DSC3: variants seen among roughly 807,000 people sequenced by gnomAD.
The protein encoded by DSC3 is desmocollin-3.
DSC3 carries 97 observed loss-of-function variants against 89.5 expected under a neutral mutation model. The ratio of observed to expected loss-of-function variants is 1.08; its 90% CI spans 0.92 to 1.28. The LOEUF is 1.28. DSC3 is among the 50% of genes most tolerant of loss of function. The probability of loss-of-function intolerance (pLI) is 0.00; values close to 1 mark genes in which losing one functional copy is unlikely to be tolerated. For synonymous variants in DSC3, 436 were observed against 384.1 expected, an observed-to-expected ratio of 1.14 and a Z score of -1.58; for missense variants, 1,199 against 1,085.3, an observed-to-expected ratio of 1.10 and a Z score of -1.47.
At chr18:31,022,806 T>C (rs897040897) in intron 6 of DSC3, among the ~76,000 whole-genome samples, 2 of 152,194 alleles carry the variant, frequency 1.3e-5, no homozygotes, top group Non-Finnish European at 2.9e-5. Context: ...TATGTGCACA[T>C]ATTTCAATAA....
chr18:30,989,594 G>C lies in DSC3; in HGVS notation c.*4581C>G, dbSNP rs1238099875. On this transcript the variant is annotated 3_prime_UTR_variant, in exon 16 of 16. Coordinates refer to ENST00000360428, the MANE Select transcript of DSC3 (RefSeq NM_001941.5). ...TTATACACTTTAAAATGGTGAAAATGATGAATTTTAACCATTCATAGCCAT... is the reference window on the plus strand; with the variant it reads ...TTATACACTTTAAAATGGTGAAAATCATGAATTTTAACCATTCATAGCCAT... 2.0e-5 allele frequency among the ~76,000 whole-genome samples: 3 copies of C among 152,128 alleles called. No individual in the cohort carries two copies. The highest frequency in any genetic ancestry group is 6.5e-5 in the Admixed American group (1 of 15,278).
chr18:31,024,587 A>G, intron 5 of DSC3, 94 bp from the exon 6 acceptor site: 2 of 1,379,620 alleles, frequency 1.4e-6, no homozygotes, highest in Non-Finnish European at 2.0e-6. Flanking sequence ...AAATCTTTTC[A>G]ATAATAAACT....
intron 1 of DSC3, among the ~76,000 whole-genome samples, chr18:31,033,886 C>T (rs747093014): frequency 8.5e-5 from 13 of 152,170 alleles, no homozygotes; most frequent in African/African-American, 1.4e-4. Context: ...TGCAGTGGCA[C>T]GATCTAGGCT....
chr18:31,035,971 A>T (rs941309638), intron 1 of DSC3, among the ~76,000 whole-genome samples: 1 of 152,018 alleles, frequency 6.6e-6, no homozygotes, highest in Non-Finnish European at 1.5e-5. Flanking sequence ...ATCCAACAGT[A>T]TGTTTGAGAT....
intron 2 of DSC3, among the ~76,000 whole-genome samples, chr18:31,031,653 T>C (rs1022869857): frequency 6.6e-6 from 1 of 152,194 alleles, no homozygotes; most frequent in Admixed American, 6.5e-5. Flanking sequence ...TCCGAAATTT[T>C]CTTCCCACTG....
Position 31,031,111 on chromosome 18 carries a change from T to C in DSC3, c.216A>G (p.Arg72=). The C allele has an allele frequency of 6.2e-7, 1 of 1,613,622 alleles. No individual in the cohort carries two copies. The highest frequency in any genetic ancestry group is 8.5e-7 in the Non-Finnish European group (1 of 1,179,846). Residue 72 remains arginine (R), a synonymous_variant, in exon 3 of 16, where the codon AGA becomes AGG. Transcript: ENST00000360428. ...DLIRSSDPDF[R]VLNDGSVYTA... is the part of the protein sequence containing the mutation. ...TGTACACTGACCCATCATTTAGAAC[T>C]CTGAAATCAGGATCACTTGACCGGA...
chr18:31,039,074 A>G (rs552156490), intron 1 of DSC3, among the ~76,000 whole-genome samples: 8 of 152,080 alleles, frequency 5.3e-5, no homozygotes, highest in African/African-American at 1.9e-4. Context: ...TATAATAAAA[A>G]TAACTTCTGT....
chr18:31,018,538 T>G (rs1195948626), intron 8 of DSC3, 128 bp downstream of exon 8: 1 of 1,112,376 alleles, frequency 9.0e-7, no homozygotes. Flanking sequence ...GTTTAAACTT[T>G]AATTTTATTC....
At chr18:31,022,314 T>C in intron 7 of DSC3, 22 bp downstream of exon 7, 3 of 1,613,854 alleles carry the variant, frequency 1.9e-6, no homozygotes, top group Non-Finnish European at 2.5e-6. Flanking sequence ...CGAAATGAAA[T>C]TCTATGGAGT....
In DSC3 at chr18:30,992,513, G is replaced by A. The variant is rs1984302198; in HGVS notation, c.*1662C>T. ...CTCAAATGGCAGTTGCCATTGGCCT[G>A]AGAAAGGAAAAGGCAGTGCCAAGCC... On this transcript the variant is annotated 3_prime_UTR_variant, in exon 16 of 16. Coordinates refer to ENST00000360428, the MANE Select transcript of DSC3 (RefSeq NM_001941.5). 1 of 152,236 alleles carries A rather than the reference G, an allele frequency of 6.6e-6. No homozygotes were observed. The highest frequency in any genetic ancestry group is 6.5e-5 in the Admixed American group (1 of 15,280). 9.4% of individuals were successfully genotyped at this position (152,236 alleles called of 1,614,324 possible).
chr18:31,008,154 T>G lies in DSC3; in HGVS notation c.1525A>C (p.Lys509Gln). Residue 509 changes from lysine (K) to glutamine (Q), a missense_variant, in exon 11 of 16, where the codon AAA (lysine) becomes CAA (glutamine). Physicochemically the swap from Lys to Gln is moderately conservative, Grantham distance 53. Coordinates refer to ENST00000360428, the MANE Select transcript of DSC3 (RefSeq NM_001941.5). Reference sequence around the variant, plus strand: ...CAACCTTTAGGATCATGCAATTTTTTGTACCTGTTAATAAAAAAAAAATAG... The same window carrying G: ...CAACCTTTAGGATCATGCAATTTTTGGTACCTGTTAATAAAAAAAAAATAG... ...ENRNGNGLRY[K>Q]KLHDPKGWIT... The G allele has an allele frequency of 6.2e-7, 1 of 1,610,494 alleles. No individual in the cohort carries two copies. Among genetic ancestry groups the G allele is most frequent in the South Asian group, 1.1e-5 (1 of 90,796 alleles).
At chr18:31,028,706 T>C (rs1442803183) in intron 4 of DSC3, among the ~76,000 whole-genome samples, 2 of 152,156 alleles carry the variant, frequency 1.3e-5, no homozygotes, top group Non-Finnish European at 2.9e-5. Flanking sequence ...GCCATAGCCC[T>C]ACTTCAGTAA....
At chr18:31,031,304 T>C (rs1985784678) in intron 2 of DSC3, 132 bp from the exon 3 acceptor site, 13 of 625,048 alleles carry the variant, frequency 2.1e-5, no homozygotes, top group Non-Finnish European at 3.5e-5. Flanking sequence ...ATTTACCAGA[T>C]ATCTTAACCT....
intron 7 of DSC3, 108 bp from the exon 8 acceptor site, chr18:31,018,908 T>A: frequency 2.2e-6 from 2 of 894,446 alleles, no homozygotes; most frequent in Non-Finnish European, 3.4e-6. Context: ...ATCTGTGTGT[T>A]TCCGTGCTTT....
intron 9 of DSC3, among the ~76,000 whole-genome samples, chr18:31,012,737 G>C (rs2144700191): frequency 6.6e-6 from 1 of 152,292 alleles, no homozygotes; most frequent in South Asian, 2.1e-4. Flanking sequence ...TTAGTTTTAT[G>C]AAGCAAGCAT....
At position 31,029,692 on chromosome 18, in the gene DSC3, T is replaced by C; in HGVS notation, c.355-64A>G. 5 of 1,597,492 alleles carry C rather than the reference T, an allele frequency of 3.1e-6. No homozygotes were observed. The South Asian group carries it at 4.4e-5, about 14-fold the overall frequency. ...GCATCACAGTCTACTTTGTGTAAAA[T>C]AGTGGACAGCTCATAAACCTAATCC... On this transcript the variant is annotated intron_variant, in intron 3 of 15. Coordinates refer to ENST00000360428, the MANE Select transcript of DSC3 (RefSeq NM_001941.5).
intron 13 of DSC3, among the ~76,000 whole-genome samples, chr18:31,002,178 T>C (rs1487345072): frequency 6.6e-6 from 1 of 152,186 alleles, no homozygotes; most frequent in Non-Finnish European, 1.5e-5. Context: ...TGAAACTACT[T>C]TGTATCTTGC....
intron 9 of DSC3, among the ~76,000 whole-genome samples, chr18:31,011,913 A>C (rs1985075431): frequency 1.4e-5 from 2 of 144,164 alleles, no homozygotes; most frequent in South Asian, 4.6e-4. Flanking sequence ...GAATTGCGAC[A>C]GCAAATTCCA....
chr18:31,005,656 A>G (rs1984813268), intron 12 of DSC3, among the ~76,000 whole-genome samples: 1 of 152,206 alleles, frequency 6.6e-6, no homozygotes, highest in African/African-American at 2.4e-5. Flanking sequence ...ACAAGCAAAC[A>G]TTTATGAAGC....
Sources: gnomAD v4.1 joint callset for allele counts (sites outside exome capture counted in the v4.1 genomes callset) on GRCh38, gnomAD v4.1.1 for gene constraint, MANE v1.5 for transcripts, NCBI Gene and HGNC (gene_info 2026-07-23, HGNC 2026-07-21) for gene names.